BCR: variants seen among roughly 807,000 people sequenced by gnomAD.
The protein encoded by BCR is breakpoint cluster region protein.
Under a neutral mutation model 138.6 loss-of-function variants are expected in BCR, and 58 were observed. That is an observed-to-expected ratio of 0.42 (90% CI 0.34 to 0.52). The LOEUF is 0.52. Among genes scored for constraint, BCR ranks in the 20% least tolerant of loss-of-function variants. BCR has a pLI of 0.06. For missense variants in BCR, 1,599 were observed against 1,727.2 expected, an observed-to-expected ratio of 0.93 and a Z score of 1.32; for synonymous variants, 786 against 730.1, an observed-to-expected ratio of 1.08 and a Z score of -1.23.
At chr22:23,198,548 C>G (rs1045538838) in intron 1 of BCR, among the ~76,000 whole-genome samples, 2 of 152,136 alleles carry the variant, frequency 1.3e-5, no homozygotes, top group East Asian at 3.9e-4. Flanking sequence ...GGTGGGAGGC[C>G]ACCGCAGGTA....
chr22:23,267,745 G>A (rs1210158457), intron 4 of BCR, among the ~76,000 whole-genome samples: 1 of 152,200 alleles, frequency 6.6e-6, no homozygotes. Flanking sequence ...GCTGAATCGA[G>A]TGTGTGTCTG....
At chr22:23,263,176 G>A (rs898016499) in intron 4 of BCR, 9 of 825,750 alleles carry the variant, frequency 1.1e-5, no homozygotes, top group South Asian at 5.3e-5. Flanking sequence ...GAGGCGGCTC[G>A]GGAGTCAGCC....
At chr22:23,301,905 T>C (rs1024070955) in intron 16 of BCR, among the ~76,000 whole-genome samples, 2 of 152,190 alleles carry the variant, frequency 1.3e-5, no homozygotes, top group Non-Finnish European at 2.9e-5. Flanking sequence ...GACACCCGAC[T>C]TGGGTCCTCT....
rs1351503652 is a variant in BCR, at chr22:23,181,626, C to T, written c.666C>T (p.Ser222=). ...AGTCCCAGCACGGCGCGGGCTCGAGCGTGGGGGATGCATCCAGGCCCCCTT... is the reference window on the plus strand; with the variant it reads ...AGTCCCAGCACGGCGCGGGCTCGAGTGTGGGGGATGCATCCAGGCCCCCTT... The part of the protein sequence containing the change: ...RKKSQHGAGS[S]VGDASRPPYR... Residue 222 remains serine, a synonymous_variant, in exon 1 of 23, where the codon AGC becomes AGT. Coordinates refer to ENST00000305877, the MANE Select transcript of BCR (RefSeq NM_004327.4). The T allele has an allele frequency of 2.4e-5, 39 of 1,611,302 alleles. No individual in the cohort carries two copies. The highest frequency in any genetic ancestry group is 3.1e-5 in the Non-Finnish European group (37 of 1,179,960).
intron 5 of BCR, among the ~76,000 whole-genome samples, chr22:23,269,626 G>A (rs567819342): frequency 2.2e-4 from 33 of 152,294 alleles, no homozygotes; most frequent in African/African-American, 7.2e-4. Context: ...ACCCTGCTCC[G>A]CCAGGTGCTG....
intron 1 of BCR, among the ~76,000 whole-genome samples, chr22:23,200,328 T>G (rs1477800613): frequency 1.3e-5 from 2 of 152,046 alleles, no homozygotes; most frequent in Non-Finnish European, 2.9e-5. Flanking sequence ...TTTTATTTAT[T>G]TATTTAGAGA....
chr22:23,192,834 G>A (rs573475991), intron 1 of BCR, among the ~76,000 whole-genome samples: 1 of 152,356 alleles, frequency 6.6e-6, no homozygotes, highest in Admixed American at 6.5e-5. Context: ...TGGCTGGGAA[G>A]ATGTAGCGGA....
intron 14 of BCR, among the ~76,000 whole-genome samples, chr22:23,292,267 G>A (rs779737912): frequency 6.6e-6 from 1 of 152,182 alleles, no homozygotes; most frequent in Non-Finnish European, 1.5e-5. Flanking sequence ...GGCTTTAGCT[G>A]GGGTTTGTGG....
chr22:23,292,961 C>T (rs2073805292), intron 15 of BCR, among the ~76,000 whole-genome samples: 1 of 152,040 alleles, frequency 6.6e-6, no homozygotes, highest in Non-Finnish European at 1.5e-5. Context: ...AGTGTTTTTC[C>T]GCAGAAGTTG....
chr22:23,299,493 T>C (rs1292588820), intron 16 of BCR, among the ~76,000 whole-genome samples: 1 of 152,028 alleles, frequency 6.6e-6, no homozygotes, highest in African/African-American at 2.4e-5. Flanking sequence ...TACCTGACCA[T>C]ACCTCCCCCA....
chr22:23,264,138 C>T, intron 4 of BCR: 2 of 1,514,824 alleles, frequency 1.3e-6, no homozygotes, highest in East Asian at 2.3e-5. Context: ...CAACAGCACC[C>T]TGTACTGCCT....
chr22:23,243,033 A>C (rs958361319), intron 1 of BCR: 3 of 336,616 alleles, frequency 8.9e-6, no homozygotes, highest in African/African-American at 4.3e-5. Context: ...CATTGGATTT[A>C]GGGTCCATCA....
At chr22:23,293,849 G>T (rs1377153574) in intron 15 of BCR, among the ~76,000 whole-genome samples, 1 of 149,138 alleles carries the variant, frequency 6.7e-6, no homozygotes, top group Non-Finnish European at 1.5e-5. Context: ...CCTGCTGCTT[G>T]CTTCTTCCCG....
chr22:23,210,873 T>C (rs991396550), intron 1 of BCR, among the ~76,000 whole-genome samples: 2 of 152,212 alleles, frequency 1.3e-5, no homozygotes, highest in Admixed American at 1.3e-4. Flanking sequence ...GTACTGTTCT[T>C]CCCCTTTCTA....
At chr22:23,279,739 G>A (rs575030443) in intron 8 of BCR, among the ~76,000 whole-genome samples, 3 of 152,262 alleles carry the variant, frequency 2.0e-5, no homozygotes, top group African/African-American at 4.8e-5. Flanking sequence ...ACTGTAGTTC[G>A]TGTACCTGGG....
chr22:23,285,301 C>G (rs2073699300), intron 10 of BCR, 100 bp downstream of exon 10: 3 of 1,345,910 alleles, frequency 2.2e-6, no homozygotes, highest in African/African-American at 2.9e-5. Flanking sequence ...CCTCTGGGCC[C>G]CAGGTCTGGT....
chr22:23,195,623 G>A (rs960130920), intron 1 of BCR, among the ~76,000 whole-genome samples: 20 of 149,466 alleles, frequency 1.3e-4, no homozygotes, highest in African/African-American at 3.4e-4. Flanking sequence ...GCGGTGGCTC[G>A]CGCCTGTAAT....
intron 1 of BCR, among the ~76,000 whole-genome samples, chr22:23,249,868 C>T (rs897433824): frequency 3.3e-5 from 5 of 152,164 alleles, no homozygotes; most frequent in Admixed American, 6.5e-5. Flanking sequence ...ATCTGGAATC[C>T]AGACTTAAAA....
intron 1 of BCR, among the ~76,000 whole-genome samples, chr22:23,200,224 C>T (rs1163604037): frequency 6.6e-6 from 1 of 152,166 alleles, no homozygotes; most frequent in Non-Finnish European, 1.5e-5. Context: ...GCTCAGACAT[C>T]CAGGGTGGAC....
Sources: gnomAD v4.1 joint callset for allele counts (sites outside exome capture counted in the v4.1 genomes callset) on GRCh38, gnomAD v4.1.1 for gene constraint, MANE v1.5 for transcripts, NCBI Gene and HGNC (gene_info 2026-07-23, HGNC 2026-07-21) for gene names.